Variants in FBXO34 observed in about 807,000 individuals in gnomAD.
The protein encoded by FBXO34 is F-box protein 34.
In FBXO34, 12 loss-of-function variants were observed where a neutral mutation model predicts 24.5. That is an observed-to-expected ratio of 0.49 (90% CI 0.31 to 0.79). The LOEUF is 0.79. Ranked by LOEUF, FBXO34 falls within the 30% of genes least tolerant of loss-of-function variation. The probability of loss-of-function intolerance (pLI) is 0.04; values close to 1 mark genes in which losing one functional copy is unlikely to be tolerated. For synonymous variants in FBXO34, 320 were observed against 311.9 expected, an observed-to-expected ratio of 1.03 and a Z score of -0.27; for missense variants, 823 against 857.7, an observed-to-expected ratio of 0.96 and a Z score of 0.51.
rs770368282 is a variant in FBXO34, at chr14:55,351,406, A to T, written c.1016A>T (p.Gln339Leu). ...KKGVLEAPDT[Q>L]VNPVGSVSVD... is the part of the protein sequence containing the mutation. ...GGCGTCTTGGAGGCACCTGACACTC[A>T]GGTGAATCCTGTGGGGTCTGTATCT... The change falls in exon 2 of 2, where the codon CAG (glutamine) becomes CTG (leucine). Residue 339 changes from glutamine to leucine, a missense_variant. Transcript: ENST00000313833. 1 of 1,614,230 alleles carries T rather than the reference A, an allele frequency of 6.2e-7. No individual in the cohort carries two copies. Among genetic ancestry groups the T allele is most frequent in the Non-Finnish European group, 8.5e-7 (1 of 1,180,036 alleles).
the FBXO34 span, among the ~76,000 whole-genome samples, chr14:55,381,700 A>T: frequency 1.3e-5 from 2 of 152,258 alleles, no homozygotes; most frequent in East Asian, 3.8e-4. Flanking sequence ...AGAACAGGCA[A>T]ATCTATAGAC....
In FBXO34 at chr14:55,350,396, C is replaced by T. The variant is rs542411984; in HGVS notation, c.6C>T (p.His2=). Reference sequence around the variant, plus strand: ...TTTCCTATAGGGGCTTTGTTATGCACCTAAAGCCATATTGGAAGCTCCAGA... The same window carrying T: ...TTTCCTATAGGGGCTTTGTTATGCATCTAAAGCCATATTGGAAGCTCCAGA... M[H]LKPYWKLQKK... The change falls in exon 2 of 2, where the codon CAC becomes CAT. Residue 2 remains histidine (H), a synonymous_variant. Coordinates refer to ENST00000313833, the MANE Select transcript of FBXO34 (RefSeq NM_017943.4). The T allele has an allele frequency of 6.4e-7, 1 of 1,573,278 alleles. No individual in the cohort carries two copies. The highest frequency in any genetic ancestry group is 2.2e-5 in the East Asian group (1 of 44,662).
chr14:55,367,840 T>C (rs1048405151), exon 3 of FBXO34: 1 of 151,690 alleles, frequency 6.6e-6, no homozygotes, highest in Non-Finnish European at 1.5e-5. Context: ...CGGATAGAAA[T>C]AAACTCCGTT....
At chr14:55,282,482 C>T (rs911974412) in intron 1 of FBXO34, 3 of 235,556 alleles carry the variant, frequency 1.3e-5, no homozygotes, top group African/African-American at 6.8e-5. Flanking sequence ...ACGGCACAAA[C>T]CCCTCGAAGT....
At position 55,281,991 on chromosome 14, in the gene FBXO34, CTTT is replaced by C. The variant is rs372305828; in HGVS notation, c.-11+10476_-11+10478del. Among the ~76,000 whole-genome samples, 108 of 65,134 alleles carry C rather than the reference CTTT, an allele frequency of 1.7e-3. 1 individual carries two copies. Among genetic ancestry groups the C allele is most frequent in the South Asian group, 9.4e-3 (18 of 1,922 alleles). The allele number at this position is 65,134 out of a possible 152,430, so 42.7% of individuals were successfully genotyped here. On this transcript the variant is annotated intron_variant, in intron 1 of 1. Transcript: ENST00000313833. ...CAGTAAGTTTCATTTTTAAATTTAG[CTTT>C]TTTTTTTTTTTTTTTTTTTTTGATA...
At chr14:55,399,634 T>C in the FBXO34 span, among the ~76,000 whole-genome samples, 6 of 152,252 alleles carry the variant, frequency 3.9e-5, no homozygotes, top group Admixed American at 6.5e-5. Flanking sequence ...TCTGTTTCCT[T>C]GTATCAAAAA....
the FBXO34 span, among the ~76,000 whole-genome samples, chr14:55,393,496 C>T: frequency 0.058 from 8,851 of 151,842 alleles, 324 homozygotes; most frequent in South Asian, 0.09. Context: ...GACTCCTTCC[C>T]ATTTCTCAGG....
At chr14:55,399,969 C>T in the FBXO34 span, among the ~76,000 whole-genome samples, 1 of 152,150 alleles carries the variant, frequency 6.6e-6, no homozygotes, top group Non-Finnish European at 1.5e-5. Context: ...GAATAACAAA[C>T]AAAAGATAAG....
At chr14:55,273,660 G>A (rs572943409) in intron 1 of FBXO34, among the ~76,000 whole-genome samples, 43 of 152,304 alleles carry the variant, frequency 2.8e-4, no homozygotes, top group Admixed American at 2.5e-3. Flanking sequence ...GAGAGTGTTA[G>A]TCAACCTTTA....
chr14:55,433,289 C>A, the FBXO34 span, among the ~76,000 whole-genome samples: 3 of 147,732 alleles, frequency 2.0e-5, no homozygotes, highest in Non-Finnish European at 4.4e-5. Context: ...CCACCACATC[C>A]AGCTACTTTT....
At chr14:55,411,756 C>T in the FBXO34 span, 6 of 1,607,596 alleles carry the variant, frequency 3.7e-6, no homozygotes, top group Admixed American at 5.1e-5. Context: ...AGGTCCCGGG[C>T]GAGCGGCCGG....
chr14:55,440,553 C>G, the FBXO34 span: 2 of 1,585,122 alleles, frequency 1.3e-6, no homozygotes, highest in Non-Finnish European at 1.7e-6. Context: ...CATTTATGAG[C>G]CTGGGGGCAG....
downstream of FBXO34, among the ~76,000 whole-genome samples, chr14:55,373,637 T>TTAC (rs1884864271): frequency 6.6e-6 from 1 of 151,934 alleles, no homozygotes; most frequent in African/African-American, 2.4e-5. Context: ...TTTCAGTACT[T>TTAC]TTAGTAGAGA....
At chr14:55,387,349 A>G in the FBXO34 span, among the ~76,000 whole-genome samples, 1 of 152,208 alleles carries the variant, frequency 6.6e-6, no homozygotes, top group Non-Finnish European at 1.5e-5. Context: ...ATGAATGCTG[A>G]ATCAGTTATC....
chr14:55,312,253 C>G (rs1364070432), intron 1 of FBXO34, among the ~76,000 whole-genome samples: 1 of 152,178 alleles, frequency 6.6e-6, no homozygotes. Flanking sequence ...ATCTCCATGT[C>G]TCACATCCAG....
At chr14:55,318,308 G>A (rs1883001169) in intron 1 of FBXO34, 1 of 103,544 alleles carries the variant, frequency 9.7e-6, no homozygotes, top group African/African-American at 3.8e-5. Context: ...AATAGGCATA[G>A]CCAATCCCCT....
At chr14:55,382,257 G>T in the FBXO34 span, 2 of 1,385,780 alleles carry the variant, frequency 1.4e-6, no homozygotes, top group African/African-American at 1.4e-5. Context: ...CAATATAACT[G>T]CAAGACATGC....
the FBXO34 span, among the ~76,000 whole-genome samples, chr14:55,442,248 G>C: frequency 0.025 from 3,838 of 151,580 alleles, 132 homozygotes; most frequent in African/African-American, 0.076. Context: ...AATTAGCTGG[G>C]CATGGTAGTG....
intron 1 of FBXO34, among the ~76,000 whole-genome samples, chr14:55,308,080 G>A (rs772472928): frequency 2.0e-5 from 3 of 152,166 alleles, no homozygotes; most frequent in East Asian, 1.9e-4. Flanking sequence ...GCTCTCTTGC[G>A]TGTTGCCGTG....
Sources: allele counts gnomAD v4.1 joint callset (sites outside exome capture counted in the v4.1 genomes callset), GRCh38; gene constraint gnomAD v4.1.1; transcripts MANE v1.5; gene names NCBI Gene and HGNC (gene_info 2026-07-23, HGNC 2026-07-21).